SH3RF3: variants seen among roughly 807,000 people sequenced by gnomAD.
SH3RF3 encodes SH3 domain containing ring finger 3.
In SH3RF3, 29 loss-of-function variants were observed where a neutral mutation model predicts 66.3. The observed-to-expected ratio is 0.44, with a 90% CI of 0.33 to 0.60. The LOEUF (loss-of-function observed/expected upper bound fraction) is 0.60. Among genes scored for constraint, SH3RF3 ranks in the 20% least tolerant of loss-of-function variants. The pLI, the probability that SH3RF3 is intolerant of heterozygous loss-of-function variation, is 0.04. For missense variants in SH3RF3, 1,194 were observed against 1,190.9 expected, an observed-to-expected ratio of 1.00 and a Z score of -0.04; for synonymous variants, 583 against 532.0, an observed-to-expected ratio of 1.10 and a Z score of -1.32.
Position 109,246,748 on chromosome 2 carries a change from G to A in SH3RF3, c.574-100926G>A, listed in dbSNP as rs941433206. 3.9e-5 allele frequency among the ~76,000 whole-genome samples: 6 copies of A among 152,194 alleles called. No homozygotes were observed. In the East Asian group the frequency reaches 9.6e-4, roughly 24 times the overall value. ...TGGACTGGGAGGCAGTGGGGATGCC[G>A]GGGTGGAGATGATACCTGAGCCTGG... is the stretch of plus-strand genomic sequence containing the variant. On this transcript the variant is annotated intron_variant, in intron 1 of 9. Coordinates refer to ENST00000309415, the MANE Select transcript of SH3RF3 (RefSeq NM_001099289.3).
chr2:109,400,575 G>GCACA (rs369625855), intron 4 of SH3RF3, among the ~76,000 whole-genome samples: 69 of 147,090 alleles, frequency 4.7e-4, no homozygotes, highest in South Asian at 3.3e-3. Flanking sequence ...ACACCTGTGC[G>GCACA]CACACACACA....
chr2:109,483,277 C>T (rs1006617431), intron 8 of SH3RF3, among the ~76,000 whole-genome samples: 17 of 152,254 alleles, frequency 1.1e-4, no homozygotes, highest in African/African-American at 4.1e-4. Flanking sequence ...GAGCCAGACT[C>T]AACAAAGATA....
rs1559083427 is a variant in SH3RF3, at chr2:109,437,115, G to GGCCA, written c.1802_1805dup (p.Ala603ProfsTer114). On this transcript the variant is annotated frameshift_variant, in exon 7 of 10. Transcript: ENST00000309415. LOFTEE classifies it high-confidence loss of function. ...GTCTACGGCACTCAGCCCAGCCAAC[G>GGCCA]GCCAGCCAAGCCCGGAGCACCATTT... is the stretch of plus-strand genomic sequence containing the variant. The GGCCA allele has an allele frequency of 6.2e-7, 1 of 1,612,634 alleles. No individual in the cohort carries two copies. Among genetic ancestry groups the GGCCA allele is most frequent in the South Asian group, 1.1e-5 (1 of 90,978 alleles).
At chr2:109,362,005 T>C (rs1683058377) in intron 2 of SH3RF3, among the ~76,000 whole-genome samples, 1 of 152,190 alleles carries the variant, frequency 6.6e-6, no homozygotes, top group African/African-American at 2.4e-5. Context: ...TTTATTGATC[T>C]TTTTAAAGAT....
chr2:109,484,568 T>A (rs1678920332), intron 8 of SH3RF3, among the ~76,000 whole-genome samples: 1 of 152,224 alleles, frequency 6.6e-6, no homozygotes, highest in South Asian at 2.1e-4. Flanking sequence ...AGTTACCTCC[T>A]GCCCTATCAG....
chr2:109,349,180 C>T (rs1682787059), intron 2 of SH3RF3, among the ~76,000 whole-genome samples: 1 of 152,122 alleles, frequency 6.6e-6, no homozygotes, highest in Non-Finnish European at 1.5e-5. Context: ...GTGGCACTCT[C>T]TGGAGGGCGG....
intron 1 of SH3RF3, among the ~76,000 whole-genome samples, chr2:109,197,422 A>C (rs1678533435): frequency 6.6e-6 from 1 of 152,054 alleles, no homozygotes; most frequent in African/African-American, 2.4e-5. Context: ...TGGTGGCTTA[A>C]TTTCTCTTAT....
chr2:109,461,723 A>G (rs538230304), intron 8 of SH3RF3, among the ~76,000 whole-genome samples: 1 of 152,318 alleles, frequency 6.6e-6, no homozygotes, highest in South Asian at 2.1e-4. Flanking sequence ...CCTGTCTGCC[A>G]CAATAGTGCC....
At chr2:109,206,909 C>G (rs1678853951) in intron 1 of SH3RF3, among the ~76,000 whole-genome samples, 1 of 152,206 alleles carries the variant, frequency 6.6e-6, no homozygotes, top group Admixed American at 6.5e-5. Flanking sequence ...GGGCCATAAG[C>G]TTGTGTTTGG....
intron 3 of SH3RF3, among the ~76,000 whole-genome samples, chr2:109,375,381 C>G (rs1433080383): frequency 2.0e-5 from 3 of 152,258 alleles, no homozygotes; most frequent in African/African-American, 7.2e-5. Flanking sequence ...CATCAGATGC[C>G]AGCTGGACAG....
chr2:109,473,922 C>T (rs1344501463), intron 8 of SH3RF3, among the ~76,000 whole-genome samples: 1 of 152,174 alleles, frequency 6.6e-6, no homozygotes, highest in Non-Finnish European at 1.5e-5. Flanking sequence ...GTCATTACCC[C>T]TAGGGTAATG....
At position 109,129,556 on chromosome 2, in the gene SH3RF3, T is replaced by A. The variant is rs1488162792; in HGVS notation, c.16T>A (p.Ser6Thr). 1.5e-5 allele frequency: 22 copies of A among 1,492,498 alleles called. No homozygotes were observed. Among genetic ancestry groups the A allele is most frequent in the Non-Finnish European group, 1.9e-5 (21 of 1,128,812 alleles). 92.5% of individuals were successfully genotyped at this position (1,492,498 alleles called of 1,614,324 possible). ...CGCCTCCCCCATGCTGCTCGGAGCG[T>A]CCTGGCTGTGCGCATCCAAGGCGGC... MLLGA[S>T]WLCASKAAAA... Residue 6 changes from serine to threonine, a missense_variant, in exon 1 of 10, where the codon TCC becomes ACC. Transcript: ENST00000309415.
At chr2:109,389,560 AC>A (rs964380191) in intron 3 of SH3RF3, among the ~76,000 whole-genome samples, 39 of 152,196 alleles carry the variant, frequency 2.6e-4, no homozygotes, top group African/African-American at 8.9e-4. Context: ...TCGTTTGAAA[AC>A]CACTGCTCTA....
chr2:109,197,736 G>A (rs900957780), intron 1 of SH3RF3, among the ~76,000 whole-genome samples: 6 of 152,240 alleles, frequency 3.9e-5, no homozygotes, highest in Non-Finnish European at 7.3e-5. Flanking sequence ...GTAGAAGGGT[G>A]GCCCTGGCCC....
At chr2:109,375,668 G>A (rs1365037169) in intron 3 of SH3RF3, among the ~76,000 whole-genome samples, 3 of 152,278 alleles carry the variant, frequency 2.0e-5, no homozygotes, top group South Asian at 4.1e-4. Flanking sequence ...GAGGATGGCA[G>A]GCGAGGGACT....
In SH3RF3 at chr2:109,483,872, T is replaced by C. The variant is rs569498431; in HGVS notation, c.2149-6733T>C. 5.3e-5 allele frequency among the ~76,000 whole-genome samples: 8 copies of C among 152,224 alleles called. No homozygotes were observed. The South Asian group carries it at 1.7e-3, about 32-fold the overall frequency. On this transcript the variant is annotated intron_variant, in intron 8 of 9. Transcript: ENST00000309415. The stretch of plus-strand genomic sequence containing the variant: ...CCCCACCATCCCCTGCTTAGCTGGC[T>C]TGGCTCCTCAGAAGCACCTCTGCAG...
intron 7 of SH3RF3, among the ~76,000 whole-genome samples, chr2:109,446,389 G>A (rs1169272384): frequency 3.3e-5 from 5 of 152,228 alleles, no homozygotes. Flanking sequence ...ACCTCATGGA[G>A]CTCCGTTGCA....
chr2:109,436,792 C>T (rs7369523), intron 6 of SH3RF3, 101 bp from the exon 7 acceptor site: 452,130 of 1,472,924 alleles, frequency 0.31, 72,701 homozygotes, highest in Admixed American at 0.41. Context: ...TGGCCTTCAT[C>T]TCTTAAAGCC....
At chr2:109,320,395 G>GT (rs759833578) in intron 1 of SH3RF3, among the ~76,000 whole-genome samples, 1 of 152,290 alleles carries the variant, frequency 6.6e-6, no homozygotes, top group East Asian at 1.9e-4. Context: ...TCTCACCACA[G>GT]TGAGTGCAAA....
Sources: gnomAD v4.1 joint callset for allele counts (sites outside exome capture counted in the v4.1 genomes callset) on GRCh38, gnomAD v4.1.1 for gene constraint, MANE v1.5 for transcripts, NCBI Gene and HGNC (gene_info 2026-07-23, HGNC 2026-07-21) for gene names.